SRPK2: variants seen among roughly 807,000 people sequenced by gnomAD.
The protein encoded by SRPK2 is SFRS protein kinase 2.
A neutral mutation model predicts 90.8 loss-of-function variants in SRPK2; 21 were observed. That is an observed-to-expected ratio of 0.23 (90% CI 0.16 to 0.33). SRPK2 has a LOEUF of 0.33. SRPK2 is among the 10% of genes least tolerant of loss of function. The pLI is 1.00. For missense variants in SRPK2, 620 were observed against 869.0 expected (o/e 0.71, Z 3.60); for synonymous variants, 288 against 311.1 (o/e 0.93, Z 0.78).
intron 10 of SRPK2, 59 bp downstream of exon 10, chr7:105,143,025 G>T: frequency 6.3e-7 from 1 of 1,576,142 alleles, no homozygotes; most frequent in South Asian, 1.2e-5. Context: ...TGACCTGGCA[G>T]AACCCTACTA....
chr7:105,341,993 G>A (rs922240010), intron 2 of SRPK2, among the ~76,000 whole-genome samples: 2 of 150,976 alleles, frequency 1.3e-5, no homozygotes, highest in Non-Finnish European at 2.9e-5. Flanking sequence ...GCTGGGCAGG[G>A]TGACTCATGC....
At chr7:105,329,736 G>A (rs185789820) in intron 2 of SRPK2, among the ~76,000 whole-genome samples, 18 of 152,146 alleles carry the variant, frequency 1.2e-4, no homozygotes, top group East Asian at 1.9e-4. Flanking sequence ...GCTCATCTCC[G>A]TGGCTTAAGA....
chr7:105,328,010 A>G (rs187959704), intron 2 of SRPK2, among the ~76,000 whole-genome samples: 1 of 152,282 alleles, frequency 6.6e-6, no homozygotes, highest in Admixed American at 6.5e-5. Context: ...TTCTGACCTC[A>G]AGTGATCAGC....
chr7:105,127,741 CA>C (rs1562959129), intron 13 of SRPK2, among the ~76,000 whole-genome samples: 2 of 105,704 alleles, frequency 1.9e-5, no homozygotes, highest in African/African-American at 6.8e-5. Context: ...CCCTTGCTCA[CA>C]AAAAAACCCT....
chr7:105,344,840 T>TAA lies in SRPK2; in HGVS notation c.71+43806_71+43807dup, dbSNP rs35086357. Reference sequence around the variant, plus strand: ...ATTCAGGTTCACCCACACTCACACTTAAAAAAAAAAAAAAGGCCAGGAGTA... The same window carrying TAA: ...ATTCAGGTTCACCCACACTCACACTTAAAAAAAAAAAAAAAAGGCCAGGAGTA... On this transcript the variant is annotated intron_variant, in intron 2 of 15. Coordinates refer to ENST00000393651, the MANE Select transcript of SRPK2 (RefSeq NM_182692.3). 2.9e-3 allele frequency among the ~76,000 whole-genome samples: 408 copies of TAA among 141,336 alleles called. 11 individuals carry two copies. The East Asian group carries it at 0.064, about 22-fold the overall frequency. The allele number at this position is 141,336 out of a possible 152,430, so 92.7% of individuals were successfully genotyped here. A position where few individuals can be genotyped will look rare whatever the true frequency, so the allele number is the denominator to read the frequency against.
rs1318051361 is a variant in SRPK2, at chr7:105,354,988, ATAT to A, written c.71+33657_71+33659del. Among the ~76,000 whole-genome samples, 224 of 152,318 alleles carry A rather than the reference ATAT, an allele frequency of 1.5e-3. 4 individuals carry two copies. The highest frequency in any genetic ancestry group is 2.8e-4 in the Non-Finnish European group (19 of 68,034). On this transcript the variant is annotated intron_variant, in intron 2 of 15. Coordinates refer to ENST00000393651, the MANE Select transcript of SRPK2 (RefSeq NM_182692.3). ...CCAGATATTTGATATAAATTAAATC[ATAT>A]TAATAAGTGGTCTTTCATGACTGAC...
intron 2 of SRPK2, among the ~76,000 whole-genome samples, chr7:105,300,922 C>G (rs192250988): frequency 2.6e-5 from 4 of 152,284 alleles, no homozygotes; most frequent in Non-Finnish European, 5.9e-5. Context: ...GTTGGTGGGA[C>G]TGTAAACTAG....
intron 3 of SRPK2, among the ~76,000 whole-genome samples, chr7:105,175,280 T>C (rs1791694410): frequency 6.6e-6 from 1 of 151,844 alleles, no homozygotes; most frequent in African/African-American, 2.4e-5. Flanking sequence ...AAATAACCCA[T>C]GGGATAAAGA....
intron 2 of SRPK2, chr7:105,204,691 G>A (rs1049010893): frequency 1.8e-5 from 17 of 959,798 alleles, no homozygotes; most frequent in Middle Eastern, 2.3e-4. Context: ...GCAGCCCTCA[G>A]GCCTGCTGCG....
intron 2 of SRPK2, among the ~76,000 whole-genome samples, chr7:105,220,897 T>C (rs1160462132): frequency 6.6e-6 from 1 of 152,086 alleles, no homozygotes; most frequent in African/African-American, 2.4e-5. Flanking sequence ...TTTCAAAAAG[T>C]GGGGTCAGGG....
intron 2 of SRPK2, among the ~76,000 whole-genome samples, chr7:105,305,840 T>A (rs892189053): frequency 9.2e-5 from 14 of 152,166 alleles, no homozygotes; most frequent in African/African-American, 3.4e-4. Flanking sequence ...TAACAAAGGG[T>A]GATAAAGTAC....
At chr7:105,143,555 C>T in intron 9 of SRPK2, 1 of 576,284 alleles carries the variant, frequency 1.7e-6, no homozygotes, top group Non-Finnish European at 3.0e-6. Context: ...AGGTCCTGCC[C>T]TCAGAGGGAT....
chr7:105,194,524 G>A (rs1002043152), intron 3 of SRPK2, among the ~76,000 whole-genome samples: 5 of 152,072 alleles, frequency 3.3e-5, no homozygotes, highest in Non-Finnish European at 5.9e-5. Context: ...CACGTGGTTG[G>A]TGCATAAGAA....
intron 2 of SRPK2, among the ~76,000 whole-genome samples, chr7:105,324,079 C>G (rs1322784340): frequency 6.6e-6 from 1 of 151,278 alleles, no homozygotes; most frequent in Admixed American, 6.6e-5. Context: ...TTACTGCAAC[C>G]TCCACCTCCC....
At chr7:105,331,204 G>A (rs1050136397) in intron 2 of SRPK2, among the ~76,000 whole-genome samples, 2 of 149,656 alleles carry the variant, frequency 1.3e-5, no homozygotes, top group African/African-American at 2.5e-5. Flanking sequence ...AGCTACGTGG[G>A]AGGCTGAGGC....
At chr7:105,172,302 G>C (rs550807931) in intron 3 of SRPK2, among the ~76,000 whole-genome samples, 1 of 152,322 alleles carries the variant, frequency 6.6e-6, no homozygotes, top group South Asian at 2.1e-4. Flanking sequence ...TCAAAACTAT[G>C]TTCCATGAAA....
At chr7:105,372,821 G>A (rs1819850366) in intron 2 of SRPK2, among the ~76,000 whole-genome samples, 1 of 152,084 alleles carries the variant, frequency 6.6e-6, no homozygotes, top group Non-Finnish European at 1.5e-5. Flanking sequence ...GGGCATGGTG[G>A]CTCACACCTA....
At chr7:105,249,648 G>GTA (rs1485250495) in intron 2 of SRPK2, among the ~76,000 whole-genome samples, 1 of 152,104 alleles carries the variant, frequency 6.6e-6, no homozygotes, top group African/African-American at 2.4e-5. Context: ...TCTATCTAAT[G>GTA]TATAAAACAA....
chr7:105,137,745 T>C (rs1803082063), intron 11 of SRPK2, among the ~76,000 whole-genome samples: 1 of 152,072 alleles, frequency 6.6e-6, no homozygotes, highest in Non-Finnish European at 1.5e-5. Flanking sequence ...GCATTTAGGT[T>C]TCTTCAAGTT....
Sources: gnomAD v4.1 joint callset for allele counts (sites outside exome capture counted in the v4.1 genomes callset) on GRCh38, gnomAD v4.1.1 for gene constraint, MANE v1.5 for transcripts, NCBI Gene and HGNC (gene_info 2026-07-23, HGNC 2026-07-21) for gene names.